Variants in EYS observed in about 807,000 individuals in gnomAD.
The protein encoded by EYS is EGF-like photoreceptor maintenance factor.
A neutral mutation model predicts 282.1 loss-of-function variants in EYS; 250 were observed. That is an observed-to-expected ratio of 0.89 (90% CI 0.80 to 0.98). EYS has a LOEUF of 0.98. EYS is among the 50% of genes least tolerant of loss of function. The pLI is 0.00. For missense variants in EYS, 4,016 were observed against 3,709.0 expected, an observed-to-expected ratio of 1.08 and a Z score of -2.15; for synonymous variants, 1,355 against 1,282.9, an observed-to-expected ratio of 1.06 and a Z score of -1.20.
chr6:64,748,400 T>C (rs565717001), intron 22 of EYS, among the ~76,000 whole-genome samples: 1 of 152,350 alleles, frequency 6.6e-6, no homozygotes, highest in African/African-American at 2.4e-5. Context: ...GATTGGGCAT[T>C]AGATTCTCAT....
chr6:65,418,524 T>C (rs906116630), intron 5 of EYS, among the ~76,000 whole-genome samples: 1 of 152,014 alleles, frequency 6.6e-6, no homozygotes, highest in African/African-American at 2.4e-5. Context: ...ATAAACACCA[T>C]GAAATATTAT....
intron 30 of EYS, among the ~76,000 whole-genome samples, chr6:64,277,956 A>G (rs565704469): frequency 6.6e-6 from 1 of 152,294 alleles, no homozygotes; most frequent in East Asian, 1.9e-4. Context: ...CAGAAATCAT[A>G]TAATTTAAAA....
At chr6:64,362,641 T>C (rs1772055295) in intron 29 of EYS, among the ~76,000 whole-genome samples, 2 of 151,874 alleles carry the variant, frequency 1.3e-5, no homozygotes, top group African/African-American at 4.8e-5. Context: ...TCTTTAATTA[T>C]TAGAATAGAC....
Position 63,911,552 on chromosome 6 carries a change from A to T in EYS, c.7056-47194T>A, listed in dbSNP as rs560021495. On this transcript the variant is annotated intron_variant, in intron 35 of 42. Transcript: ENST00000503581. The stretch of plus-strand genomic sequence containing the variant: ...CCATTCATTTATTTGTTTATTTAAT[A>T]TTTTACATCATAATTGATAATCCTT... Among the ~76,000 whole-genome samples, 6 of 152,308 alleles carry T rather than the reference A, an allele frequency of 3.9e-5. 1 individual carries two copies. The South Asian group carries it at 1.2e-3, about 32-fold the overall frequency.
intron 2 of EYS, among the ~76,000 whole-genome samples, chr6:65,576,912 T>C (rs533376301): frequency 9.9e-5 from 15 of 151,762 alleles, no homozygotes; most frequent in Non-Finnish European, 1.9e-4. Flanking sequence ...TGAAAGATAT[T>C]AAAGAAAAAA....
At chr6:65,657,710 A>T (rs1455073677) in intron 1 of EYS, among the ~76,000 whole-genome samples, 1 of 151,906 alleles carries the variant, frequency 6.6e-6, no homozygotes, top group Non-Finnish European at 1.5e-5. Flanking sequence ...AGCATATTAC[A>T]TAAAGTTAGT....
At chr6:64,092,376 A>G (rs1772398836) in intron 31 of EYS, among the ~76,000 whole-genome samples, 4 of 152,156 alleles carry the variant, frequency 2.6e-5, no homozygotes. Flanking sequence ...CAACAGAGTA[A>G]AAGTGTTCCT....
chr6:64,594,818 T>C (rs1352345438), intron 24 of EYS, among the ~76,000 whole-genome samples: 2 of 151,710 alleles, frequency 1.3e-5, no homozygotes, highest in African/African-American at 4.8e-5. Flanking sequence ...TGTGCACATG[T>C]ACCCTAAAAC....
At chr6:64,136,304 C>T (rs114051205) in intron 31 of EYS, among the ~76,000 whole-genome samples, 71 of 152,228 alleles carry the variant, frequency 4.7e-4, no homozygotes, top group African/African-American at 1.5e-3. Flanking sequence ...ACTTCCTCTA[C>T]TGTAGTATTA....
In EYS at chr6:64,318,762, AATT is replaced by A. The variant is rs1227186936; in HGVS notation, c.6079-11683_6079-11681del. On this transcript the variant is annotated intron_variant, in intron 29 of 42. Coordinates refer to ENST00000503581, the MANE Select transcript of EYS (RefSeq NM_001142800.2). ...TATGTGTGTGATTTTTTATTTAAAA[AATT>A]ATTATTTATTTTATAGATATATAGT... Among the ~76,000 whole-genome samples the A allele has an allele frequency of 1.5e-4, 22 of 151,654 alleles. No individual in the cohort carries two copies. In the South Asian group the frequency reaches 1.9e-3, roughly 13 times the overall value.
intron 39 of EYS, 168 bp from the exon 40 acceptor site, chr6:63,778,348 A>T (rs1297266773): frequency 1.5e-6 from 1 of 664,506 alleles, no homozygotes; most frequent in African/African-American, 1.8e-5. Flanking sequence ...TTTTTTTTTA[A>T]AAGTCATTCA....
At chr6:64,080,564 C>G (rs557890372) in intron 32 of EYS, among the ~76,000 whole-genome samples, 88 of 152,102 alleles carry the variant, frequency 5.8e-4, no homozygotes, top group Middle Eastern at 3.4e-3. Flanking sequence ...AGTTTAATTA[C>G]ATCCCATTGG....
intron 28 of EYS, among the ~76,000 whole-genome samples, chr6:64,431,838 C>T (rs746758807): frequency 7.2e-5 from 11 of 152,074 alleles, no homozygotes; most frequent in African/African-American, 1.9e-4. Context: ...CTCCTATTAT[C>T]ATCTAACAAA....
intron 29 of EYS, among the ~76,000 whole-genome samples, chr6:64,336,633 A>G (rs1770859628): frequency 6.6e-6 from 1 of 152,138 alleles, no homozygotes; most frequent in Non-Finnish European, 1.5e-5. Context: ...GACTTAATAG[A>G]TATATACAGA....
At chr6:64,929,813 G>T (rs1583303365) in intron 15 of EYS, among the ~76,000 whole-genome samples, 1 of 152,126 alleles carries the variant, frequency 6.6e-6, no homozygotes, top group East Asian at 1.9e-4. Context: ...TATACTATAA[G>T]CAGGATCAGA....
At chr6:65,257,349 C>T (rs1443695553) in intron 12 of EYS, among the ~76,000 whole-genome samples, 1 of 103,740 alleles carries the variant, frequency 9.6e-6, no homozygotes, top group Admixed American at 9.2e-5. Context: ...CTTGCCCACG[C>T]CTATGTCCTG....
At chr6:63,931,800 T>C (rs114996590) in intron 35 of EYS, among the ~76,000 whole-genome samples, 3 of 150,412 alleles carry the variant, frequency 2.0e-5, no homozygotes, top group Non-Finnish European at 3.0e-5. Context: ...TTCTTTTCTG[T>C]TTTTTTAAAG....
At chr6:65,487,138 C>G (rs1765812437) in intron 5 of EYS, among the ~76,000 whole-genome samples, 1 of 149,768 alleles carries the variant, frequency 6.7e-6, no homozygotes, top group South Asian at 2.1e-4. Context: ...AATTTGACTT[C>G]CTCTCTTCCT....
At chr6:63,744,669 G>A (rs1226440112) in intron 41 of EYS, 1 of 157,156 alleles carries the variant, frequency 6.4e-6, no homozygotes, top group Non-Finnish European at 1.4e-5. Context: ...CTGGGTTCAA[G>A]CGATTCTCCT....
Sources: allele counts gnomAD v4.1 joint callset (sites outside exome capture counted in the v4.1 genomes callset), GRCh38; gene constraint gnomAD v4.1.1; transcripts MANE v1.5; gene names NCBI Gene and HGNC (gene_info 2026-07-23, HGNC 2026-07-21).